The following SHANK2 variants were observed in gnomAD, a reference collection of about 807,000 sequenced individuals.
SHANK2 encodes the protein SH3 and multiple ankyrin repeat domains protein 2.
A neutral mutation model predicts 133.7 loss-of-function variants in SHANK2; 43 were observed. That is an observed-to-expected ratio of 0.32 (90% confidence interval 0.25 to 0.41). The LOEUF is 0.41. Ranked by LOEUF, SHANK2 falls within the 10% of genes least tolerant of loss-of-function variation. SHANK2 has a pLI of 1.00. For missense variants in SHANK2, 1,994 were observed against 2,235.8 expected (o/e 0.89, Z 2.18); for synonymous variants, 1,017 against 952.8 (o/e 1.07, Z -1.24).
At chr11:71,076,258 G>A (rs1166662791) in intron 8 of SHANK2, among the ~76,000 whole-genome samples, 5 of 152,158 alleles carry the variant, frequency 3.3e-5, no homozygotes, top group Non-Finnish European at 5.9e-5. Flanking sequence ...GGTCGGGAGG[G>A]AAAGAGGTGA....
In SHANK2 at chr11:70,497,088, G is replaced by A. The variant is rs905683761; in HGVS notation, c.2308+3482C>T. On this transcript the variant is annotated intron_variant, in intron 21 of 25. Transcript: ENST00000601538. ...GTGGTAGGGTCAGGGGCTAGCATTC[G>A]TTTTTAAGTTAGAGTTAGTGTAATT... The A allele has an allele frequency of 1.3e-5, 6 of 453,176 alleles. No individual in the cohort carries two copies. The East Asian group carries it at 2.1e-4, about 16-fold the overall frequency. The allele number at this position is 453,176 out of a possible 1,614,324, so 28.1% of individuals were successfully genotyped here.
rs1477309768 is a variant in SHANK2, at chr11:70,804,229, G to C, written c.1663+2773C>G. Among the ~76,000 whole-genome samples the C allele has an allele frequency of 6.6e-6, 1 of 152,194 alleles. No homozygotes were observed. The highest frequency in any genetic ancestry group is 1.5e-5 in the Non-Finnish European group (1 of 68,028). ...GACAGAATTCCTCCAAACGGCCTTG[G>C]CTCTGCAGGCAGTGGATCGGCTCGA... On this transcript the variant is annotated intron_variant, in intron 13 of 25. Transcript: ENST00000601538. The surrounding 1 kb of genome is among the most constrained non-coding windows in gnomAD (Gnocchi z 4.1).
At chr11:71,056,779 T>C (rs1015730420) in intron 9 of SHANK2, among the ~76,000 whole-genome samples, 8 of 151,542 alleles carry the variant, frequency 5.3e-5, no homozygotes, top group African/African-American at 1.7e-4. Flanking sequence ...CTATATCCTA[T>C]AGAAAGTCTT....
chr11:71,085,505 T>A (rs1156731529), intron 8 of SHANK2, among the ~76,000 whole-genome samples: 1 of 117,726 alleles, frequency 8.5e-6, no homozygotes, highest in Non-Finnish European at 1.6e-5. Context: ...ATAATATATA[T>A]GTTATATTAT....
intron 14 of SHANK2, among the ~76,000 whole-genome samples, chr11:70,726,129 C>T (rs181206753): frequency 6.6e-6 from 1 of 152,264 alleles, no homozygotes; most frequent in African/African-American, 2.4e-5. Context: ...ACACCTACTT[C>T]CCCGCTTTAG....
intron 14 of SHANK2, among the ~76,000 whole-genome samples, chr11:70,747,420 C>G (rs1946663664): frequency 6.6e-6 from 1 of 152,212 alleles, no homozygotes; most frequent in Admixed American, 6.5e-5. Flanking sequence ...CATTCTCAGG[C>G]TCCTAATCAC....
chr11:70,663,330 C>T (rs1944613091), intron 15 of SHANK2, among the ~76,000 whole-genome samples: 8 of 152,088 alleles, frequency 5.3e-5, no homozygotes, highest in Admixed American at 5.2e-4. Flanking sequence ...GATTGGGGGG[C>T]CCTGGGGAGG....
At position 70,486,842 on chromosome 11, in the gene SHANK2, T is replaced by A; in HGVS notation, c.3451A>T (p.Arg1151Trp). ...CCCACGAAATGGTTTTCGGGCTCCC[T>A]GGGCGTGGCACTCGGCATGGGGGAT... The part of the protein sequence containing the change: ...LSSPMPSATP[R>W]EPENHFVGGA... The change falls in exon 25 of 26, where the codon AGG (arginine) becomes TGG (tryptophan). Residue 1151 changes from arginine (R) to tryptophan (W), a missense_variant. Coordinates refer to ENST00000601538, the MANE Select transcript of SHANK2 (RefSeq NM_012309.5). This position sits in a 1 kb window ranked among gnomAD's most constrained non-coding sequence, Gnocchi z 8.0. 1 of 1,612,734 alleles carries A rather than the reference T, an allele frequency of 6.2e-7. No individual in the cohort carries two copies. Among genetic ancestry groups the A allele is most frequent in the Middle Eastern group, 1.7e-4 (1 of 6,060 alleles).
intron 17 of SHANK2, among the ~76,000 whole-genome samples, chr11:70,632,340 T>C (rs1555002517): frequency 6.6e-6 from 1 of 151,918 alleles, no homozygotes; most frequent in Non-Finnish European, 1.5e-5. Flanking sequence ...TTAGCCAGGA[T>C]GGTCTCGATC....
At chr11:70,838,915 C>T (rs557475840) in intron 11 of SHANK2, among the ~76,000 whole-genome samples, 64 of 152,240 alleles carry the variant, frequency 4.2e-4, no homozygotes, top group Non-Finnish European at 8.7e-4. Context: ...TAATGTGGGC[C>T]TTACAAGGGT....
intron 14 of SHANK2, among the ~76,000 whole-genome samples, chr11:70,712,343 C>T (rs1214698324): frequency 2.6e-5 from 4 of 152,198 alleles, no homozygotes; most frequent in Non-Finnish European, 4.4e-5. Flanking sequence ...CTCCACTCCA[C>T]GTGACCATGA....
intron 17 of SHANK2, among the ~76,000 whole-genome samples, chr11:70,636,257 G>A (rs1555003940): frequency 6.6e-6 from 1 of 152,240 alleles, no homozygotes; most frequent in African/African-American, 2.4e-5. Flanking sequence ...GAGCATGCGT[G>A]TATGCGAGCA....
chr11:71,214,882 T>A (rs1555119473), intron 2 of SHANK2, among the ~76,000 whole-genome samples: 2 of 152,192 alleles, frequency 1.3e-5, no homozygotes, highest in Non-Finnish European at 2.9e-5. Context: ...GCCACAGCCT[T>A]TCGTTCTGGT....
intron 10 of SHANK2, among the ~76,000 whole-genome samples, chr11:70,929,107 T>G (rs1277151165): frequency 6.6e-6 from 1 of 152,220 alleles, no homozygotes; most frequent in Non-Finnish European, 1.5e-5. Context: ...CGTCACTTCC[T>G]TACTCTCTAG....
chr11:71,249,123 G>C (rs1434420960), intron 1 of SHANK2, among the ~76,000 whole-genome samples: 1 of 152,144 alleles, frequency 6.6e-6, no homozygotes, highest in Admixed American at 6.5e-5. Context: ...ACTTAGCCCT[G>C]GGGGGCTGCA....
In SHANK2 at chr11:70,569,097, C is replaced by T. The variant is rs1041803839; in HGVS notation, c.2062-66166G>A. ...CTTACAGTGAACGGAGCCAGGAAAGCGAATCTGCCTTGACTTGTCCTGGAT... is the reference window on the plus strand; with the variant it reads ...CTTACAGTGAACGGAGCCAGGAAAGTGAATCTGCCTTGACTTGTCCTGGAT... On this transcript the variant is annotated intron_variant, in intron 17 of 25. Coordinates refer to ENST00000601538, the MANE Select transcript of SHANK2 (RefSeq NM_012309.5). This position sits in a 1 kb window ranked among gnomAD's most constrained non-coding sequence, Gnocchi z 5.1. 3.3e-5 allele frequency among the ~76,000 whole-genome samples: 5 copies of T among 152,210 alleles called. No individual in the cohort carries two copies. Among genetic ancestry groups the T allele is most frequent in the African/African-American group, 9.6e-5 (4 of 41,464 alleles).
intron 17 of SHANK2, among the ~76,000 whole-genome samples, chr11:70,560,071 C>T (rs1425341685): frequency 1.7e-4 from 26 of 151,962 alleles, no homozygotes; most frequent in African/African-American, 6.3e-4. Context: ...AGGGTTTTGG[C>T]ATGTTGACCA....
intron 2 of SHANK2, among the ~76,000 whole-genome samples, chr11:71,200,500 T>C (rs1953997326): frequency 1.3e-5 from 2 of 152,344 alleles, no homozygotes; most frequent in Admixed American, 1.3e-4. Flanking sequence ...TGCTGGCTCA[T>C]GTGCTAACTC....
chr11:71,106,043 T>C (rs1555097843), intron 6 of SHANK2, among the ~76,000 whole-genome samples: 1 of 152,252 alleles, frequency 6.6e-6, no homozygotes, highest in Non-Finnish European at 1.5e-5. Flanking sequence ...AGATGTCCTA[T>C]ACTAAAGCAA....
Sources: gnomAD v4.1 joint callset for allele counts (sites outside exome capture counted in the v4.1 genomes callset) on GRCh38, gnomAD v4.1.1 for gene constraint, Gnocchi (gnomAD v3.1) non-coding constraint, MANE v1.5 for transcripts, NCBI Gene and HGNC (gene_info 2026-07-23, HGNC 2026-07-21) for gene names.